SAMD5: variants seen among roughly 807,000 people sequenced by gnomAD.
SAMD5 encodes the protein sterile alpha motif domain-containing protein 5.
In SAMD5, 13 loss-of-function variants were observed where a neutral mutation model predicts 11.3. That is an observed-to-expected ratio of 1.15 (90% confidence interval 0.75 to 1.83). The LOEUF is 1.83. SAMD5 is among the 40% of genes most tolerant of loss of function. SAMD5 has a pLI of 0.00. For missense variants in SAMD5, 255 were observed against 239.1 expected, an observed-to-expected ratio of 1.07 and a Z score of -0.44; for synonymous variants, 129 against 111.3, an observed-to-expected ratio of 1.16 and a Z score of -1.00.
intron 1 of SAMD5, among the ~76,000 whole-genome samples, chr6:147,596,346 C>T (rs1459412651): frequency 6.6e-6 from 1 of 152,160 alleles, no homozygotes; most frequent in African/African-American, 2.4e-5. Flanking sequence ...AAAATATTCT[C>T]AAGCATTAAA....
At chr6:147,645,130 C>T (rs7756532) in intron 1 of SAMD5, among the ~76,000 whole-genome samples, 59,866 of 151,880 alleles carry the variant, frequency 0.39, 12,963 homozygotes, top group Middle Eastern at 0.5. Context: ...TCAGAGGCTC[C>T]GTGGGACTTC....
the SAMD5 span, among the ~76,000 whole-genome samples, chr6:147,817,524 G>A: frequency 6.6e-6 from 1 of 152,290 alleles, no homozygotes; most frequent in East Asian, 1.9e-4. Context: ...TTTCTTTCAT[G>A]AGGTCATGCA....
chr6:147,515,538 A>T (rs1237700793), intron 1 of SAMD5, among the ~76,000 whole-genome samples: 3 of 151,500 alleles, frequency 2.0e-5, no homozygotes, highest in African/African-American at 7.3e-5. Flanking sequence ...TCATCCATCC[A>T]TCCTTCCCTT....
the SAMD5 span, among the ~76,000 whole-genome samples, chr6:147,785,657 A>C: frequency 1.3e-5 from 2 of 152,212 alleles, no homozygotes; most frequent in African/African-American, 4.8e-5. Context: ...ATATTCTTAC[A>C]TAAAATTAAA....
chr6:147,854,943 C>T, the SAMD5 span, among the ~76,000 whole-genome samples: 1 of 152,020 alleles, frequency 6.6e-6, no homozygotes, highest in Non-Finnish European at 1.5e-5. Flanking sequence ...ACAAAATTAG[C>T]CTAACTGAAA....
At chr6:147,691,097 C>T (rs905702788) in intron 1 of SAMD5, among the ~76,000 whole-genome samples, 2 of 151,966 alleles carry the variant, frequency 1.3e-5, no homozygotes, top group Admixed American at 1.3e-4. Flanking sequence ...CGAGTTCAAG[C>T]CATTCTCCTG....
chr6:147,675,621 T>C (rs975960350), intron 1 of SAMD5, among the ~76,000 whole-genome samples: 1 of 152,234 alleles, frequency 6.6e-6, no homozygotes, highest in Admixed American at 6.5e-5. Context: ...TTTATTTTAA[T>C]TGAAACGTAT....
chr6:147,568,444 G>C lies in SAMD5; in HGVS notation c.*3988G>C, dbSNP rs185301537. The stretch of plus-strand genomic sequence containing the variant: ...AATATTTGATTAGGTATCAAAATAG[G>C]TTTAGGCAGGTGGAAGTTCTGAATT... On this transcript the variant is annotated 3_prime_UTR_variant, in exon 2 of 2. Coordinates refer to ENST00000367474, the MANE Select transcript of SAMD5 (RefSeq NM_001030060.3). The C allele has an allele frequency of 1.7e-4, 163 of 985,330 alleles. 2 individuals are homozygous for C. The highest frequency in any genetic ancestry group is 7.1e-5 in the Non-Finnish European group (59 of 829,850). 61.0% of individuals were successfully genotyped at this position (985,330 alleles called of 1,614,324 possible). A position where few individuals can be genotyped will look rare whatever the true frequency, so the allele number is the denominator to read the frequency against.
chr6:147,816,280 C>CAAAAAAAAAAAAAA, the SAMD5 span, among the ~76,000 whole-genome samples: 4 of 12,716 alleles, frequency 3.1e-4, 1 homozygote, highest in African/African-American at 1.3e-3. Flanking sequence ...AACTCCGTCT[C>CAAAAAAAAAAAAAA]CAAAAAAAAA....
intron 1 of SAMD5, among the ~76,000 whole-genome samples, chr6:147,653,045 GAAAGTAT>G (rs1583125363): frequency 6.6e-6 from 1 of 151,942 alleles, no homozygotes; most frequent in African/African-American, 2.4e-5. Context: ...ATTCCTTCCT[GAAAGTAT>G]AAATATACTT....
the SAMD5 span, among the ~76,000 whole-genome samples, chr6:147,896,876 G>A: frequency 1.3e-5 from 2 of 151,680 alleles, no homozygotes; most frequent in African/African-American, 4.8e-5. Flanking sequence ...GAGCATGGAC[G>A]AACCTCAAAA....
the SAMD5 span, among the ~76,000 whole-genome samples, chr6:147,929,061 A>G: frequency 6.6e-6 from 1 of 151,616 alleles, no homozygotes; most frequent in Non-Finnish European, 1.5e-5. Context: ...TTTGCTGAGG[A>G]TTGTTTTTCA....
intron 1 of SAMD5, among the ~76,000 whole-genome samples, chr6:147,665,881 T>C (rs184814948): frequency 6.6e-6 from 1 of 152,354 alleles, no homozygotes; most frequent in Non-Finnish European, 1.5e-5. Flanking sequence ...TGTAAGCAAA[T>C]ACTATGAAAA....
At chr6:147,915,752 A>G in the SAMD5 span, among the ~76,000 whole-genome samples, 1 of 152,120 alleles carries the variant, frequency 6.6e-6, no homozygotes, top group African/African-American at 2.4e-5. Context: ...TTTTCTGCAA[A>G]TTTTTGTTTA....
the SAMD5 span, among the ~76,000 whole-genome samples, chr6:147,863,663 A>G: frequency 6.6e-6 from 1 of 151,320 alleles, no homozygotes; most frequent in Non-Finnish European, 1.5e-5. Context: ...CATCCATGTC[A>G]TCGTTTCAGA....
At chr6:147,667,413 G>A (rs1224663086) in intron 1 of SAMD5, among the ~76,000 whole-genome samples, 10 of 152,104 alleles carry the variant, frequency 6.6e-5, no homozygotes, top group South Asian at 2.1e-4. Flanking sequence ...ACAAAAAGGC[G>A]TTGGCATATA....
chr6:147,642,623 C>T (rs1236930252), intron 1 of SAMD5, among the ~76,000 whole-genome samples: 3 of 152,196 alleles, frequency 2.0e-5, no homozygotes, highest in Non-Finnish European at 2.9e-5. Context: ...CCATTTAGCC[C>T]AACCCTTTCA....
chr6:147,796,542 C>T, the SAMD5 span, among the ~76,000 whole-genome samples: 16 of 152,080 alleles, frequency 1.1e-4, no homozygotes, highest in Non-Finnish European at 1.6e-4. Flanking sequence ...ATTGACTTGG[C>T]GATACAGTCT....
At chr6:147,847,848 A>G in the SAMD5 span, among the ~76,000 whole-genome samples, 1 of 152,122 alleles carries the variant, frequency 6.6e-6, no homozygotes, top group Non-Finnish European at 1.5e-5. Context: ...GCAAGACTCC[A>G]TCTCAAAAAA....
Sources: gnomAD v4.1 joint callset for allele counts (sites outside exome capture counted in the v4.1 genomes callset) on GRCh38, gnomAD v4.1.1 for gene constraint, MANE v1.5 for transcripts, NCBI Gene and HGNC (gene_info 2026-07-23, HGNC 2026-07-21) for gene names.